CRACD: variants seen among roughly 807,000 people sequenced by gnomAD.
CRACD encodes capping protein inhibiting regulator of actin dynamics.
Under a neutral mutation model 106.8 loss-of-function variants are expected in CRACD, and 56 were observed. The observed-to-expected ratio is 0.52, with a 90% CI of 0.42 to 0.66. The LOEUF is 0.66. CRACD is among the 30% of genes least tolerant of loss of function. The pLI is 0.00. For missense variants in CRACD, 1,730 were observed against 1,623.2 expected, an observed-to-expected ratio of 1.07 and a Z score of -1.13; for synonymous variants, 754 against 670.8, an observed-to-expected ratio of 1.12 and a Z score of -1.92.
At chr4:56,242,105 C>T (rs1038115) in intron 2 of CRACD, among the ~76,000 whole-genome samples, 42,519 of 151,970 alleles carry the variant, frequency 0.28, 6,442 homozygotes, top group Non-Finnish European at 0.34. Context: ...ATGGAGGTCA[C>T]CCTAAAAGGA....
In CRACD at chr4:56,315,021, A is replaced by T. The variant is rs1023304220; in HGVS notation, c.1519A>T (p.Arg507Trp). 1.3e-6 allele frequency: 2 copies of T among 1,593,222 alleles called. No homozygotes were observed. Among genetic ancestry groups the T allele is most frequent in the East Asian group, 2.3e-5 (1 of 44,122 alleles). ...GGAAGCCGCGCAGCCTCCGGTGGAG[A>T]GGAAAGAAGCCGCCGCCCTTGAACA... ...PVEAAQPPVE[R>W]KEAAALEQGR... is the part of the protein sequence containing the mutation. The change falls in exon 8 of 11, where the codon AGG (arginine) becomes TGG (tryptophan). Residue 507 changes from arginine (R) to tryptophan (W), a missense_variant. Physicochemically the swap from Arg to Trp is moderately radical, Grantham distance 101 (BLOSUM62 -3). Transcript: ENST00000682029. This position sits in a 1 kb window ranked among gnomAD's most constrained non-coding sequence, Gnocchi z 4.1.
At chr4:56,283,242 A>C (rs1278095116) in intron 3 of CRACD, among the ~76,000 whole-genome samples, 1 of 152,168 alleles carries the variant, frequency 6.6e-6, no homozygotes, top group African/African-American at 2.4e-5. Flanking sequence ...GGGGAGAAGT[A>C]GAATCACAAT....
chr4:56,185,630 T>G (rs1242193293), intron 2 of CRACD, among the ~76,000 whole-genome samples: 1 of 152,262 alleles, frequency 6.6e-6, no homozygotes, highest in Non-Finnish European at 1.5e-5. Flanking sequence ...TGCTTCGCTT[T>G]AGTTGCTGGT....
Position 56,310,797 on chromosome 4 carries a change from C to CG in CRACD, c.354+63_354+64insG, listed in dbSNP as rs1226277680. On this transcript the variant is annotated intron_variant, in intron 6 of 10. Transcript: ENST00000682029. ...TTACTTAACTTTCATCTTCCCCCCC[C>CG]CTTTTTTTTTTTTGCGACCTGCTGC... 65 of 974,268 alleles carry CG rather than the reference C, an allele frequency of 6.7e-5. 1 individual carries two copies. The highest frequency in any genetic ancestry group is 1.6e-4 in the African/African-American group (9 of 56,890). The allele number at this position is 974,268 out of a possible 1,614,324, so 60.4% of individuals were successfully genotyped here.
intron 6 of CRACD, among the ~76,000 whole-genome samples, chr4:56,312,674 A>G (rs1745237424): frequency 6.6e-6 from 1 of 152,200 alleles, no homozygotes; most frequent in Admixed American, 6.5e-5. Context: ...GCATATATGC[A>G]GTGTCTGAGA....
chr4:56,323,289 A>C, intron 8 of CRACD, 88 bp from the exon 9 acceptor site: 1 of 1,157,932 alleles, frequency 8.6e-7, no homozygotes, highest in South Asian at 1.4e-5. Context: ...TAGGGTTATT[A>C]ATATGTCACA....
intron 1 of CRACD, among the ~76,000 whole-genome samples, chr4:56,096,889 T>C (rs989415211): frequency 3.9e-5 from 6 of 152,196 alleles, no homozygotes; most frequent in African/African-American, 1.2e-4. Flanking sequence ...AGAAGTGGAA[T>C]AGAAGCCATA....
chr4:56,132,743 A>G (rs1210559225), intron 1 of CRACD, among the ~76,000 whole-genome samples: 1 of 152,188 alleles, frequency 6.6e-6, no homozygotes, highest in Non-Finnish European at 1.5e-5. Context: ...TCATTTCCAA[A>G]GGACGCAGCA....
At chr4:56,216,956 C>T (rs1033279536) in intron 2 of CRACD, among the ~76,000 whole-genome samples, 54 of 138,248 alleles carry the variant, frequency 3.9e-4, no homozygotes, top group African/African-American at 1.4e-3. Flanking sequence ...GTCCGCAGTC[C>T]GGCCTGGGCG....
At chr4:56,070,304 T>A (rs570875370) in intron 1 of CRACD, among the ~76,000 whole-genome samples, 2 of 150,708 alleles carry the variant, frequency 1.3e-5, no homozygotes, top group East Asian at 3.9e-4. Context: ...CTTGCCCATT[T>A]TTTTTTTTTT....
At chr4:56,154,474 TAA>T (rs1735700818) in intron 1 of CRACD, among the ~76,000 whole-genome samples, 1 of 151,676 alleles carries the variant, frequency 6.6e-6, no homozygotes, top group African/African-American at 2.4e-5. Flanking sequence ...CATAAATAAA[TAA>T]ATAAGATTGT....
chr4:56,119,896 C>G (rs1049820870), intron 1 of CRACD, among the ~76,000 whole-genome samples: 2 of 152,178 alleles, frequency 1.3e-5, no homozygotes, highest in South Asian at 2.1e-4. Context: ...TGACATTGCT[C>G]TCTGTGCTCT....
chr4:56,315,167 G>A lies in CRACD; in HGVS notation c.1665G>A (p.Leu555=). The A allele has an allele frequency of 6.2e-7, 1 of 1,602,132 alleles. No homozygotes were observed. ...AGATTCTCTTTCCCAAAGTCAACCTGAGCCCCGTGACGCCCGCAAAGGACA... is the reference window on the plus strand; with the variant it reads ...AGATTCTCTTTCCCAAAGTCAACCTAAGCCCCGTGACGCCCGCAAAGGACA... ...GKQILFPKVN[L]SPVTPAKDTG... The change falls in exon 8 of 11, where the codon CTG becomes CTA. Residue 555 remains leucine (L), a synonymous_variant. Transcript: ENST00000682029. The surrounding 1 kb of genome is among the most constrained non-coding windows in gnomAD (Gnocchi z 4.1).
intron 2 of CRACD, among the ~76,000 whole-genome samples, chr4:56,260,305 C>T (rs774270603): frequency 5.3e-5 from 8 of 152,166 alleles, no homozygotes; most frequent in African/African-American, 1.2e-4. Context: ...GAAGTGTGAA[C>T]GCCACCCAGG....
chr4:56,162,802 T>C lies in CRACD; in HGVS notation c.-335-16482T>C, dbSNP rs181150100. 2.0e-3 allele frequency among the ~76,000 whole-genome samples: 303 copies of C among 152,310 alleles called. 2 individuals are homozygous for C. Among genetic ancestry groups the C allele is most frequent in the Non-Finnish European group, 2.6e-3 (179 of 68,030 alleles). The stretch of plus-strand genomic sequence containing the variant: ...GTAACAGTTTACAATTTAGAAATAA[T>C]CAGGCAAAATGTTGTTTAATTTGTT... On this transcript the variant is annotated intron_variant, in intron 1 of 10. Transcript: ENST00000682029.
intron 1 of CRACD, among the ~76,000 whole-genome samples, chr4:56,091,997 A>G (rs1733438276): frequency 6.6e-6 from 1 of 152,210 alleles, no homozygotes; most frequent in Non-Finnish European, 1.5e-5. Flanking sequence ...AGCCAAGGCA[A>G]CATAGTAAGA....
At chr4:56,108,080 C>T (rs143156304) in intron 1 of CRACD, among the ~76,000 whole-genome samples, 110 of 152,162 alleles carry the variant, frequency 7.2e-4, no homozygotes, top group African/African-American at 2.6e-3. Flanking sequence ...AGATGGGATA[C>T]GTGAAAACCA....
intron 5 of CRACD, chr4:56,308,931 C>G: frequency 7.8e-7 from 1 of 1,287,330 alleles, no homozygotes; most frequent in African/African-American, 1.5e-5. Flanking sequence ...CAGGCTCTGT[C>G]TCAGATATGG....
intron 2 of CRACD, among the ~76,000 whole-genome samples, chr4:56,269,944 C>T (rs1400406540): frequency 6.6e-6 from 1 of 152,272 alleles, no homozygotes; most frequent in Admixed American, 6.5e-5. Flanking sequence ...TCAAATAATA[C>T]ACAGTAAAAA....
Sources: allele counts gnomAD v4.1 joint callset (sites outside exome capture counted in the v4.1 genomes callset), GRCh38; gene constraint gnomAD v4.1.1; non-coding constraint Gnocchi (gnomAD v3.1); transcripts MANE v1.5; gene names NCBI Gene and HGNC (gene_info 2026-07-23, HGNC 2026-07-21).